The following TBC1D22B variants were observed in gnomAD, a reference collection of about 807,000 sequenced individuals.
TBC1D22B encodes the protein TBC1 domain family member 22B, also known as chromosome 6 open reading frame 197.
A neutral mutation model predicts 69.1 loss-of-function variants in TBC1D22B; 32 were observed. The observed-to-expected ratio is 0.46, with a 90% CI of 0.35 to 0.62. TBC1D22B has a LOEUF of 0.62. Ranked by LOEUF, TBC1D22B falls within the 20% of genes least tolerant of loss-of-function variation. The probability of loss-of-function intolerance (pLI) is 0.00; values close to 1 mark genes in which losing one functional copy is unlikely to be tolerated. For missense variants in TBC1D22B, 462 were observed against 630.9 expected, an observed-to-expected ratio of 0.73 and a Z score of 2.87; for synonymous variants, 206 against 229.8, an observed-to-expected ratio of 0.90 and a Z score of 0.94.
chr6:37,261,679 G>A (rs374705163), intron 1 of TBC1D22B, among the ~76,000 whole-genome samples: 14 of 152,086 alleles, frequency 9.2e-5, no homozygotes, highest in Non-Finnish European at 2.9e-5. Flanking sequence ...GGATAGTTAC[G>A]ATGATAGTAG....
At chr6:37,286,324 T>C (rs1241078462) in intron 6 of TBC1D22B, among the ~76,000 whole-genome samples, 1 of 151,386 alleles carries the variant, frequency 6.6e-6, no homozygotes, top group African/African-American at 2.4e-5. Context: ...TCCATTTCTT[T>C]TTTTTTTTTG....
Position 37,316,803 on chromosome 6 carries a change from CACCA to C in TBC1D22B, c.1267_1270del (p.Thr423SerfsTer26). The C allele has an allele frequency of 6.2e-7, 1 of 1,614,238 alleles. No individual in the cohort carries two copies. Among genetic ancestry groups the C allele is most frequent in the Non-Finnish European group, 8.5e-7 (1 of 1,180,040 alleles). ...TTATGCGGGAGCTTCCTCTTCGCTG[CACCA>C]TCCGCCTGTGGGACACATATCAGGT... is the stretch of plus-strand genomic sequence containing the variant. On this transcript the variant is annotated frameshift_variant, in exon 11 of 13. Transcript: ENST00000373491. LOFTEE classifies it high-confidence loss of function.
At chr6:37,297,831 G>T (rs2113761088) in intron 8 of TBC1D22B, among the ~76,000 whole-genome samples, 1 of 152,286 alleles carries the variant, frequency 6.6e-6, no homozygotes, top group African/African-American at 2.4e-5. Flanking sequence ...TAAAGAAAAT[G>T]TGACACATTT....
intron 2 of TBC1D22B, among the ~76,000 whole-genome samples, chr6:37,275,583 A>C (rs975586304): frequency 3.3e-5 from 5 of 152,164 alleles, no homozygotes; most frequent in African/African-American, 1.2e-4. Context: ...CTGCCTGCTC[A>C]TGATCTCAGT....
In TBC1D22B at chr6:37,313,634, G is replaced by A. The variant is rs548677860; in HGVS notation, c.1090-182G>A. ...CATGGGTTTGCTTCCACACTGCAGGGCTCCATTGGGCTTTCCCCCAACACT... is the reference window on the plus strand; with the variant it reads ...CATGGGTTTGCTTCCACACTGCAGGACTCCATTGGGCTTTCCCCCAACACT... On this transcript the variant is annotated intron_variant, in intron 9 of 12. Coordinates refer to ENST00000373491, the MANE Select transcript of TBC1D22B (RefSeq NM_017772.4). 4.6e-5 allele frequency among the ~76,000 whole-genome samples: 7 copies of A among 152,300 alleles called. No homozygotes were observed. The South Asian group carries it at 1.5e-3, about 32-fold the overall frequency.
chr6:37,310,500 C>T (rs981421882), intron 8 of TBC1D22B, among the ~76,000 whole-genome samples: 6 of 152,018 alleles, frequency 3.9e-5, no homozygotes, highest in Non-Finnish European at 5.9e-5. Flanking sequence ...GAAACCCCGT[C>T]GCTACTGAAA....
intron 12 of TBC1D22B, among the ~76,000 whole-genome samples, chr6:37,319,010 G>C (rs893042136): frequency 6.6e-6 from 1 of 152,224 alleles, no homozygotes; most frequent in African/African-American, 2.4e-5. Flanking sequence ...GTTCTGAAGA[G>C]TGGCAGCGTC....
chr6:37,306,862 TCTC>T (rs975498888), intron 8 of TBC1D22B, among the ~76,000 whole-genome samples: 9 of 152,006 alleles, frequency 5.9e-5, no homozygotes, highest in African/African-American at 2.2e-4. Flanking sequence ...AAATAGCACA[TCTC>T]CTCTGACAGT....
chr6:37,322,055 G>A (rs1198418871), intron 12 of TBC1D22B, among the ~76,000 whole-genome samples: 1 of 152,198 alleles, frequency 6.6e-6, no homozygotes, highest in Non-Finnish European at 1.5e-5. Context: ...CCATTTTGAT[G>A]TGGGTCATTT....
At chr6:37,258,778 T>G (rs1266753341) in intron 1 of TBC1D22B, among the ~76,000 whole-genome samples, 1 of 152,122 alleles carries the variant, frequency 6.6e-6, no homozygotes, top group Non-Finnish European at 1.5e-5. Context: ...CTGTTTCAGT[T>G]TATTTTGGGC....
chr6:37,330,353 C>T (rs1429102902), intron 12 of TBC1D22B, among the ~76,000 whole-genome samples: 2 of 150,594 alleles, frequency 1.3e-5, no homozygotes, highest in South Asian at 2.1e-4. Flanking sequence ...ATTTTCCTGC[C>T]TCAGCCTCCC....
intron 1 of TBC1D22B, chr6:37,258,225 C>G (rs4143230): frequency 0.87 from 452,650 of 519,910 alleles, 197,750 homozygotes; most frequent in East Asian, 0.93. Context: ...GGAAGGTGGC[C>G]GAAGATTGGG....
chr6:37,309,820 A>G (rs986162268), intron 8 of TBC1D22B, among the ~76,000 whole-genome samples: 1 of 152,082 alleles, frequency 6.6e-6, no homozygotes, highest in Non-Finnish European at 1.5e-5. Flanking sequence ...CCATGCAGCA[A>G]TGAACTAGAG....
At chr6:37,261,398 C>G (rs909867364) in intron 1 of TBC1D22B, among the ~76,000 whole-genome samples, 2 of 147,922 alleles carry the variant, frequency 1.4e-5, no homozygotes, top group African/African-American at 5.0e-5. Context: ...CGTCACTCCA[C>G]TCCAGCCTGG....
intron 4 of TBC1D22B, among the ~76,000 whole-genome samples, 194 bp from the exon 5 acceptor site, chr6:37,282,688 G>C (rs915682761): frequency 2.6e-5 from 4 of 152,158 alleles, no homozygotes; most frequent in Non-Finnish European, 4.4e-5. Context: ...TGAGCTGACA[G>C]GACTGCTACT....
intron 12 of TBC1D22B, among the ~76,000 whole-genome samples, chr6:37,320,559 G>C (rs1479080199): frequency 6.6e-6 from 1 of 152,174 alleles, no homozygotes; most frequent in East Asian, 1.9e-4. Context: ...TAATTAAGTG[G>C]TTTTTAACAT....
chr6:37,285,409 C>T (rs1448354513), intron 6 of TBC1D22B, among the ~76,000 whole-genome samples: 1 of 149,524 alleles, frequency 6.7e-6, no homozygotes, highest in East Asian at 2.0e-4. Context: ...ACTGCAGCCC[C>T]CACCTCCTGG....
intron 1 of TBC1D22B, among the ~76,000 whole-genome samples, chr6:37,261,567 T>C (rs1006483826): frequency 6.6e-6 from 1 of 151,966 alleles, no homozygotes. Context: ...ATCTCTAAAA[T>C]AGGGACAGAG....
intron 1 of TBC1D22B, 130 bp from the exon 2 acceptor site, chr6:37,269,464 T>C: frequency 1.3e-6 from 1 of 798,070 alleles, no homozygotes; most frequent in Non-Finnish European, 2.1e-6. Context: ...GGGGGATGGC[T>C]TGAGTACAGT....
Sources: allele counts gnomAD v4.1 joint callset (sites outside exome capture counted in the v4.1 genomes callset), GRCh38; gene constraint gnomAD v4.1.1; transcripts MANE v1.5; gene names NCBI Gene and HGNC (gene_info 2026-07-23, HGNC 2026-07-21).